Variants in ADD3 observed in about 807,000 individuals in gnomAD.
The protein encoded by ADD3 is adducin 3.
A neutral mutation model predicts 80.2 loss-of-function variants in ADD3; 25 were observed. The observed-to-expected ratio is 0.31, with a 90% CI of 0.23 to 0.44. The LOEUF is 0.44. ADD3 is among the 20% of genes least tolerant of loss of function. The pLI is 1.00. For missense variants in ADD3, 829 were observed against 847.5 expected, an observed-to-expected ratio of 0.98 and a Z score of 0.27; for synonymous variants, 284 against 289.6, an observed-to-expected ratio of 0.98 and a Z score of 0.20.
At chr10:110,032,853 A>G (rs937949494) in intron 1 of ADD3, among the ~76,000 whole-genome samples, 1 of 152,164 alleles carries the variant, frequency 6.6e-6, no homozygotes, top group Non-Finnish European at 1.5e-5. Flanking sequence ...CATCTAAAGT[A>G]TTGCCTACCA....
At chr10:110,011,742 A>G (rs1336131606) in intron 1 of ADD3, among the ~76,000 whole-genome samples, 2 of 152,234 alleles carry the variant, frequency 1.3e-5, no homozygotes, top group East Asian at 3.8e-4. Context: ...ACAGTCCTAG[A>G]CTGTCATGTC....
intron 1 of ADD3, among the ~76,000 whole-genome samples, chr10:110,077,587 G>C (rs1845514526): frequency 6.6e-6 from 1 of 152,108 alleles, no homozygotes; most frequent in South Asian, 2.1e-4. Context: ...CTGTCATAAT[G>C]ATGCTTTGTC....
intron 1 of ADD3, among the ~76,000 whole-genome samples, chr10:110,020,978 G>A (rs975725078): frequency 6.6e-6 from 1 of 151,338 alleles, no homozygotes; most frequent in African/African-American, 2.4e-5. Flanking sequence ...GTTGCTATGA[G>A]GAGAGATCAG....
At chr10:109,999,525 A>G (rs899437905) in intron 1 of ADD3, among the ~76,000 whole-genome samples, 3 of 152,310 alleles carry the variant, frequency 2.0e-5, no homozygotes, top group Middle Eastern at 3.4e-3. Flanking sequence ...ACTCTGGTAT[A>G]TTATACTTAC....
At chr10:110,117,076 A>G (rs1850830987) in intron 4 of ADD3, among the ~76,000 whole-genome samples, 2 of 152,210 alleles carry the variant, frequency 1.3e-5, no homozygotes, top group African/African-American at 2.4e-5. Flanking sequence ...ATTTTTCATG[A>G]ACATAGCTGA....
At chr10:110,122,901 G>T (rs1045065112) in intron 9 of ADD3, among the ~76,000 whole-genome samples, 1 of 151,920 alleles carries the variant, frequency 6.6e-6, no homozygotes, top group African/African-American at 2.4e-5. Context: ...CAAAGTGCTG[G>T]GATTACTGGC....
chr10:110,089,317 A>C (rs1015908817), intron 1 of ADD3, among the ~76,000 whole-genome samples: 1 of 152,212 alleles, frequency 6.6e-6, no homozygotes, highest in African/African-American at 2.4e-5. Context: ...CTCATTTATC[A>C]TGAGCTGTCA....
intron 3 of ADD3, among the ~76,000 whole-genome samples, chr10:110,115,874 CAA>C (rs1850668502): frequency 6.6e-6 from 1 of 152,152 alleles, no homozygotes; most frequent in African/African-American, 2.4e-5. Flanking sequence ...GAATAAAAGT[CAA>C]GAGAGATAAT....
chr10:110,010,631 T>A (rs543320052), intron 1 of ADD3, among the ~76,000 whole-genome samples: 63 of 152,350 alleles, frequency 4.1e-4, no homozygotes, highest in Non-Finnish European at 8.7e-4. Context: ...CCAATATTTA[T>A]TTGCCTAACC....
At chr10:110,064,481 T>A (rs1192557642) in intron 1 of ADD3, among the ~76,000 whole-genome samples, 1 of 152,210 alleles carries the variant, frequency 6.6e-6, no homozygotes, top group East Asian at 1.9e-4. Context: ...TTATTTCCCT[T>A]ATAACTAATG....
At chr10:110,007,067 AG>A, upstream of ADD3, among the ~76,000 whole-genome samples, 1 of 149,892 alleles carries the variant, frequency 6.7e-6, no homozygotes, top group African/African-American at 2.4e-5. Context: ...TGTCTGGGCG[AG>A]GGGGGTGGGA....
chr10:110,088,844 A>G (rs1203483493), intron 1 of ADD3, among the ~76,000 whole-genome samples: 3 of 152,102 alleles, frequency 2.0e-5, no homozygotes, highest in Non-Finnish European at 1.5e-5. Flanking sequence ...CCACCGTGGC[A>G]CGTCACAATG....
chr10:110,043,876 G>A (rs1856633425), intron 1 of ADD3, among the ~76,000 whole-genome samples: 1 of 152,146 alleles, frequency 6.6e-6, no homozygotes, highest in Non-Finnish European at 1.5e-5. Flanking sequence ...TTTTTGGGTT[G>A]AGAGGAGTGA....
At chr10:110,006,320 T>A (rs572230235), upstream of ADD3, among the ~76,000 whole-genome samples, 5 of 152,236 alleles carry the variant, frequency 3.3e-5, no homozygotes, top group South Asian at 2.1e-4. Flanking sequence ...AGGACTATAT[T>A]CTGATAGGTG....
chr10:110,130,855 C>CA (rs1256813480), intron 13 of ADD3, among the ~76,000 whole-genome samples: 4,287 of 89,792 alleles, frequency 0.048, 175 homozygotes, highest in African/African-American at 0.14. Context: ...GACTCCGTCT[C>CA]AAAAAAAAAA....
chr10:110,007,555 C>T (rs1469712462), upstream of ADD3, among the ~76,000 whole-genome samples: 5 of 152,090 alleles, frequency 3.3e-5, no homozygotes, highest in Non-Finnish European at 7.4e-5. Flanking sequence ...GGGTTTCTAT[C>T]GGGGTCGTTT....
chr10:110,028,654 T>G (rs1437073834), intron 1 of ADD3, among the ~76,000 whole-genome samples: 3 of 152,208 alleles, frequency 2.0e-5, no homozygotes, highest in Non-Finnish European at 4.4e-5. Context: ...GCATTGTGGT[T>G]GAGATTTTAA....
chr10:110,043,752 A>G (rs953092197), intron 1 of ADD3, among the ~76,000 whole-genome samples: 5 of 152,242 alleles, frequency 3.3e-5, no homozygotes, highest in African/African-American at 1.2e-4. Context: ...GATAAATCAG[A>G]AATAGATTCT....
intron 1 of ADD3, among the ~76,000 whole-genome samples, chr10:110,065,026 A>C (rs1270504552): frequency 6.6e-6 from 1 of 152,124 alleles, no homozygotes; most frequent in African/African-American, 2.4e-5. Flanking sequence ...TCTAGGCGAC[A>C]GAGCGAGACC....
Sources: allele counts gnomAD v4.1 joint callset (sites outside exome capture counted in the v4.1 genomes callset), GRCh38; gene constraint gnomAD v4.1.1; transcripts MANE v1.5; gene names NCBI Gene and HGNC (gene_info 2026-07-23, HGNC 2026-07-21).